Variants in GOLIM4 observed in about 807,000 individuals in gnomAD.
The protein encoded by GOLIM4 is golgi integral membrane protein 4.
A neutral mutation model predicts 107.4 loss-of-function variants in GOLIM4; 71 were observed. The ratio of observed to expected loss-of-function variants is 0.66; its 90% CI spans 0.55 to 0.81. The LOEUF is 0.81. GOLIM4 is among the 30% of genes least tolerant of loss of function. The pLI is 0.00. For missense variants in GOLIM4, 830 were observed against 826.1 expected (o/e 1.00, Z -0.06); for synonymous variants, 327 against 294.8 (o/e 1.11, Z -1.12).
chr3:168,011,524 A>C (rs182060617), intron 14 of GOLIM4, among the ~76,000 whole-genome samples: 8,559 of 151,754 alleles, frequency 0.056, 280 homozygotes, highest in Non-Finnish European at 0.069. Context: ...GGGAAGCTCC[A>C]ACTGGGCGGA....
chr3:168,022,296 C>T (rs62273288), intron 14 of GOLIM4, among the ~76,000 whole-genome samples: 10,124 of 151,282 alleles, frequency 0.067, 375 homozygotes, highest in Middle Eastern at 0.12. Flanking sequence ...TAGTGGTTAG[C>T]TGGGGCAGCT....
chr3:168,053,232 G>T (rs1410312583), intron 1 of GOLIM4, among the ~76,000 whole-genome samples: 1 of 152,070 alleles, frequency 6.6e-6, no homozygotes, highest in African/African-American at 2.4e-5. Context: ...CAATTTCAAG[G>T]CAAACTGCTC....
Position 168,016,572 on chromosome 3 carries a change from G to T in GOLIM4, c.1861-5749C>A, listed in dbSNP as rs1353276142. Among the ~76,000 whole-genome samples the T allele has an allele frequency of 2.7e-4, 36 of 133,284 alleles. 4 individuals carry two copies. Among genetic ancestry groups the T allele is most frequent in the Non-Finnish European group, 4.4e-4 (30 of 67,614 alleles). The allele number at this position is 133,284 out of a possible 152,430, so 87.4% of individuals were successfully genotyped here. A position where few individuals can be genotyped will look rare whatever the true frequency, so the allele number is the denominator to read the frequency against. ...TACCCAAAGGATTATAAATCATGCT[G>T]CTATAAAGACACATGCACATGTATG... On this transcript the variant is annotated intron_variant, in intron 14 of 15. Coordinates refer to ENST00000470487, the MANE Select transcript of GOLIM4 (RefSeq NM_014498.5).
At chr3:168,059,199 T>C (rs1720131805) in intron 1 of GOLIM4, among the ~76,000 whole-genome samples, 1 of 152,234 alleles carries the variant, frequency 6.6e-6, no homozygotes, top group Non-Finnish European at 1.5e-5. Flanking sequence ...TTACGGACGC[T>C]GCAAGTAATG....
intron 8 of GOLIM4, among the ~76,000 whole-genome samples, chr3:168,033,981 A>G (rs1047280840): frequency 1.3e-5 from 2 of 150,784 alleles, no homozygotes; most frequent in African/African-American, 4.9e-5. Flanking sequence ...TAACCTTCAG[A>G]AAAAAAAATC....
Position 168,010,690 on chromosome 3 carries a change from T to C in GOLIM4, c.1941+53A>G. Reference sequence around the variant, plus strand: ...AATACATATATCTCTCCTATACACATGCACACCCACAAACACTCAAGTGCT... The same window carrying C: ...AATACATATATCTCTCCTATACACACGCACACCCACAAACACTCAAGTGCT... On this transcript the variant is annotated intron_variant, in intron 15 of 15. Coordinates refer to ENST00000470487, the MANE Select transcript of GOLIM4 (RefSeq NM_014498.5). The C allele has an allele frequency of 3.9e-6, 5 of 1,273,108 alleles. No homozygotes were observed. In the South Asian group the frequency reaches 4.8e-5, roughly 12 times the overall value. 78.9% of individuals were successfully genotyped at this position (1,273,108 alleles called of 1,614,324 possible).
At chr3:168,062,474 A>C (rs748489646) in intron 1 of GOLIM4, among the ~76,000 whole-genome samples, 64 of 152,076 alleles carry the variant, frequency 4.2e-4, no homozygotes, top group Non-Finnish European at 8.1e-4. Flanking sequence ...CACATTCCTA[A>C]GAATAAATTC....
rs576074618 is a variant in GOLIM4 at position 168,095,427 on chromosome 3, G to A, written c.-142C>T. On this transcript the variant is annotated 5_prime_UTR_variant, in exon 1 of 16. Coordinates refer to ENST00000470487, the MANE Select transcript of GOLIM4 (RefSeq NM_014498.5). ...GCCAGACACAAAAGCCGGCCCGGAG[G>A]GGAAGTGGCGCCCGCTCAGCCCCCG... 49 of 643,916 alleles carry A rather than the reference G, an allele frequency of 7.6e-5. No homozygotes were observed. The East Asian group carries it at 1.6e-3, about 21-fold the overall frequency. The allele number at this position is 643,916 out of a possible 1,614,324, so 39.9% of individuals were successfully genotyped here. A position where few individuals can be genotyped will look rare whatever the true frequency, so the allele number is the denominator to read the frequency against.
chr3:168,042,229 T>A (rs1235123993), intron 5 of GOLIM4, among the ~76,000 whole-genome samples: 1 of 152,100 alleles, frequency 6.6e-6, no homozygotes, highest in East Asian at 1.9e-4. Flanking sequence ...ACTTTAAACT[T>A]ATTTAGCACC....
At chr3:168,055,037 C>T (rs1279319470) in intron 1 of GOLIM4, among the ~76,000 whole-genome samples, 6 of 152,156 alleles carry the variant, frequency 3.9e-5, no homozygotes, top group Admixed American at 3.9e-4. Flanking sequence ...AACTGTAAGT[C>T]CAATAAACTG....
In GOLIM4 at chr3:168,095,466, G is replaced by A. The variant is rs138199017; in HGVS notation, c.-181C>T. On this transcript the variant is annotated 5_prime_UTR_variant, in exon 1 of 16. Coordinates refer to ENST00000470487, the MANE Select transcript of GOLIM4 (RefSeq NM_014498.5). ...GCTCAGCCCCCGCGCGGCGCGGGGC[G>A]CGCAGCCATCGACGCCGCCCGGGCA... 2.6e-3 allele frequency: 1,446 copies of A among 553,352 alleles called. 29 individuals carry two copies. The African/African-American group carries it at 0.026, about 10-fold the overall frequency. 34.3% of individuals were successfully genotyped at this position (553,352 alleles called of 1,614,324 possible).
At chr3:168,064,548 T>G (rs1720442358) in intron 1 of GOLIM4, among the ~76,000 whole-genome samples, 1 of 152,248 alleles carries the variant, frequency 6.6e-6, no homozygotes, top group East Asian at 1.9e-4. Context: ...AACCTCTAAG[T>G]TTTTACATGA....
At chr3:168,084,727 G>A (rs1232152011) in intron 1 of GOLIM4, among the ~76,000 whole-genome samples, 2 of 152,158 alleles carry the variant, frequency 1.3e-5, no homozygotes, top group Non-Finnish European at 2.9e-5. Flanking sequence ...ATCTAAAGGT[G>A]GAAGTAGCTT....
At chr3:168,046,092 C>T (rs1265633398) in intron 3 of GOLIM4, among the ~76,000 whole-genome samples, 1 of 152,158 alleles carries the variant, frequency 6.6e-6, no homozygotes, top group Non-Finnish European at 1.5e-5. Flanking sequence ...GGGCTGGTCT[C>T]AAACTCCTGG....
intron 1 of GOLIM4, among the ~76,000 whole-genome samples, chr3:168,063,728 A>C (rs940416353): frequency 7.7e-4 from 42 of 54,278 alleles, no homozygotes; most frequent in Non-Finnish European, 2.8e-4. Flanking sequence ...GGAGTGGGGG[A>C]GGGGGGTGGG....
At chr3:168,079,829 A>G (rs1480854150) in intron 1 of GOLIM4, among the ~76,000 whole-genome samples, 1 of 152,156 alleles carries the variant, frequency 6.6e-6, no homozygotes, top group East Asian at 1.9e-4. Context: ...ATTTTAATAT[A>G]TACCTGCTCC....
chr3:168,065,313 A>G (rs1720493436), intron 1 of GOLIM4, among the ~76,000 whole-genome samples: 1 of 152,246 alleles, frequency 6.6e-6, no homozygotes, highest in Admixed American at 6.5e-5. Flanking sequence ...TTTAAGTAAG[A>G]GAGGAAAGAT....
At chr3:168,040,945 C>T (rs759527587) in intron 6 of GOLIM4, 76 bp from the exon 7 acceptor site, 2 of 901,052 alleles carry the variant, frequency 2.2e-6, no homozygotes, top group Non-Finnish European at 3.7e-6. Context: ...CGTGATATGG[C>T]TACCCAAATG....
intron 1 of GOLIM4, among the ~76,000 whole-genome samples, chr3:168,054,516 T>C (rs78799563): frequency 0.011 from 1,728 of 152,310 alleles, 36 homozygotes; most frequent in African/African-American, 0.039. Context: ...CTGTCTAAAA[T>C]TGCAACTAGC....
Sources: allele counts gnomAD v4.1 joint callset (sites outside exome capture counted in the v4.1 genomes callset), GRCh38; gene constraint gnomAD v4.1.1; transcripts MANE v1.5; gene names NCBI Gene and HGNC (gene_info 2026-07-23, HGNC 2026-07-21).